VWA8: variants seen among roughly 807,000 people sequenced by gnomAD.
VWA8 encodes the protein von Willebrand factor A domain-containing protein 8.
A neutral mutation model predicts 241.5 loss-of-function variants in VWA8; 221 were observed. The observed-to-expected ratio is 0.91, with a 90% CI of 0.82 to 1.02. VWA8 has a LOEUF of 1.02. VWA8 is among the 50% of genes least tolerant of loss of function. The pLI, the probability that VWA8 is intolerant of heterozygous loss-of-function variation, is 0.00. For missense variants in VWA8, 2,322 were observed against 2,328.7 expected (o/e 1.00, Z 0.06); for synonymous variants, 852 against 827.1 (o/e 1.03, Z -0.52).
chr13:41,932,175 T>TA lies in VWA8; in HGVS notation c.241+17760dup, dbSNP rs147168441. On this transcript the variant is annotated intron_variant, in intron 2 of 44. Transcript: ENST00000379310. ...TAAAAGGATAATAAGTGGATATTGT[T>TA]AAAAAAAAAACACTTATGCTAATGT... Among the ~76,000 whole-genome samples the TA allele has an allele frequency of 2.3e-3, 334 of 148,070 alleles. 2 individuals carry two copies. The highest frequency in any genetic ancestry group is 6.9e-3 in the Middle Eastern group (2 of 290).
intron 12 of VWA8, among the ~76,000 whole-genome samples, chr13:41,860,889 A>C (rs1872973261): frequency 6.6e-6 from 1 of 152,144 alleles, no homozygotes; most frequent in South Asian, 2.1e-4. Context: ...TGACACAGAA[A>C]CAGTACTGTT....
chr13:41,683,140 T>C (rs2045111934), intron 35 of VWA8, among the ~76,000 whole-genome samples: 1 of 152,120 alleles, frequency 6.6e-6, no homozygotes, highest in Non-Finnish European at 1.5e-5. Flanking sequence ...CCCACAAATG[T>C]TCATAGTGGC....
chr13:41,668,280 A>G (rs1029068583), intron 37 of VWA8, among the ~76,000 whole-genome samples: 2 of 152,166 alleles, frequency 1.3e-5, no homozygotes, highest in Admixed American at 6.5e-5. Flanking sequence ...ACAAGAGTGT[A>G]TAAGCCTTTC....
intron 21 of VWA8, among the ~76,000 whole-genome samples, chr13:41,744,829 TTTTA>T (rs954808696): frequency 6.6e-6 from 1 of 151,786 alleles, no homozygotes; most frequent in Non-Finnish European, 1.5e-5. Flanking sequence ...ATTTATTTAT[TTTTA>T]TTTATTTATT....
intron 31 of VWA8, 27 bp from the exon 32 acceptor site, chr13:41,691,472 A>C (rs1428117284): frequency 6.2e-7 from 1 of 1,609,526 alleles, no homozygotes; most frequent in East Asian, 2.2e-5. Flanking sequence ...CTGTATCTGA[A>C]AGGAAATGGT....
At chr13:41,690,037 G>A (rs1208124027) in intron 33 of VWA8, 129 bp downstream of exon 33, 5 of 666,844 alleles carry the variant, frequency 7.5e-6, no homozygotes, top group Non-Finnish European at 1.2e-5. Flanking sequence ...TTCTGGTGTA[G>A]TGACTAAGTT....
intron 18 of VWA8, among the ~76,000 whole-genome samples, chr13:41,784,658 G>GTC (rs57574031): frequency 0.19 from 19,807 of 102,188 alleles, 2,363 homozygotes; most frequent in Non-Finnish European, 0.26. Context: ...GTGCAACCTT[G>GTC]TCTCTCTCTC....
intron 9 of VWA8, among the ~76,000 whole-genome samples, chr13:41,882,976 A>C (rs970651148): frequency 5.3e-5 from 8 of 152,212 alleles, no homozygotes; most frequent in African/African-American, 1.2e-4. Flanking sequence ...ATTGTTTAAA[A>C]AAAGTCATGA....
At chr13:41,905,895 CA>C (rs1473930958) in intron 4 of VWA8, among the ~76,000 whole-genome samples, 6 of 152,066 alleles carry the variant, frequency 3.9e-5, no homozygotes, top group Non-Finnish European at 7.4e-5. Context: ...TGCCAGATCT[CA>C]TCATTGTAAA....
intron 43 of VWA8, among the ~76,000 whole-genome samples, chr13:41,571,334 C>CTCTCCCG (rs374198969): frequency 0.086 from 11,895 of 138,354 alleles, 1,095 homozygotes; most frequent in Admixed American, 0.17. Context: ...TCCCGTCTCC[C>CTCTCCCG]TCTCCCTCTC....
chr13:41,864,989 CA>C (rs35515775), intron 12 of VWA8, among the ~76,000 whole-genome samples: 23,372 of 74,978 alleles, frequency 0.31, 1,271 homozygotes, highest in Middle Eastern at 0.37. Context: ...AACTCCATCT[CA>C]AAAAAAAAAA....
chr13:41,726,972 G>A (rs2045440614), intron 24 of VWA8, among the ~76,000 whole-genome samples: 1 of 152,112 alleles, frequency 6.6e-6, no homozygotes, highest in Non-Finnish European at 1.5e-5. Flanking sequence ...TCCAGTCTGG[G>A]TGACAGAGCG....
Position 41,886,034 on chromosome 13 carries a change from G to A in VWA8, c.867-6C>T, listed in dbSNP as rs760356832. On this transcript the variant is annotated splice_polypyrimidine_tract_variant and splice_region_variant and intron_variant, in intron 7 of 44. Transcript: ENST00000379310. ...AGGACAAGAGCTGAGAAACTCTAAG[G>A]GAAAAATGATATTAAATTTTAATAG... The A allele has an allele frequency of 1.9e-6, 3 of 1,545,844 alleles. No homozygotes were observed. Among genetic ancestry groups the A allele is most frequent in the East Asian group, 2.3e-5 (1 of 42,886 alleles).
chr13:41,634,134 TAC>T (rs1330166610), intron 37 of VWA8, among the ~76,000 whole-genome samples: 1 of 152,096 alleles, frequency 6.6e-6, no homozygotes, highest in Non-Finnish European at 1.5e-5. Context: ...CTGAGAATCA[TAC>T]AGAGGGGAGA....
chr13:41,702,932 C>T (rs117856820), intron 27 of VWA8, among the ~76,000 whole-genome samples: 2 of 152,292 alleles, frequency 1.3e-5, no homozygotes, highest in Admixed American at 6.5e-5. Context: ...TCTATTACAA[C>T]TAGTAACGGA....
At chr13:41,857,712 C>T (rs1040411768) in intron 12 of VWA8, among the ~76,000 whole-genome samples, 9 of 152,114 alleles carry the variant, frequency 5.9e-5, no homozygotes, top group Admixed American at 3.3e-4. Flanking sequence ...GAAAATGTCA[C>T]TTCAAATTAG....
chr13:41,578,287 A>T (rs1023032), intron 42 of VWA8, among the ~76,000 whole-genome samples: 17,487 of 152,122 alleles, frequency 0.11, 1,937 homozygotes, highest in African/African-American at 0.3. Context: ...TGGAGCTTAT[A>T]AAATAGTTTG....
rs576343629 is a variant in VWA8 at position 41,750,127 on chromosome 13, C to T, written c.2426+11001G>A. Among the ~76,000 whole-genome samples the T allele has an allele frequency of 3.2e-3, 483 of 152,112 alleles. 3 individuals are homozygous for T. Among genetic ancestry groups the T allele is most frequent in the Middle Eastern group, 6.8e-3 (2 of 294 alleles). ...TGAAAATCTTCTGGAAAAGGTTCACCATTCCAGATCCCATTAAGAACATTT... is the reference window on the plus strand; with the variant it reads ...TGAAAATCTTCTGGAAAAGGTTCACTATTCCAGATCCCATTAAGAACATTT... On this transcript the variant is annotated intron_variant, in intron 21 of 44. Transcript: ENST00000379310.
chr13:41,701,070 C>G (rs2137827060), intron 28 of VWA8, among the ~76,000 whole-genome samples: 1 of 152,278 alleles, frequency 6.6e-6, no homozygotes, highest in South Asian at 2.1e-4. Flanking sequence ...ACTGGAATCC[C>G]AGCCAAAAAA....
Sources: allele counts gnomAD v4.1 joint callset (sites outside exome capture counted in the v4.1 genomes callset), GRCh38; gene constraint gnomAD v4.1.1; transcripts MANE v1.5; gene names NCBI Gene and HGNC (gene_info 2026-07-23, HGNC 2026-07-21).